SGO2: variants seen among roughly 807,000 people sequenced by gnomAD.
SGO2 encodes shugoshin 2, also known as shugoshin-like 2.
SGO2 carries 68 observed loss-of-function variants against 99.5 expected under a neutral mutation model. That is an observed-to-expected ratio of 0.68 (90% CI 0.56 to 0.84). SGO2 has a LOEUF of 0.84. Among genes scored for constraint, SGO2 ranks in the 40% least tolerant of loss-of-function variants. SGO2 has a pLI of 0.00. For missense variants in SGO2, 1,350 were observed against 1,436.7 expected, an observed-to-expected ratio of 0.94 and a Z score of 0.97; for synonymous variants, 457 against 487.1, an observed-to-expected ratio of 0.94 and a Z score of 0.81.
At chr2:200,546,209 C>T (rs1404107626) in intron 5 of SGO2, among the ~76,000 whole-genome samples, 2 of 150,526 alleles carry the variant, frequency 1.3e-5, no homozygotes, top group South Asian at 2.1e-4. Context: ...AAAAATTAGC[C>T]AGGCGTGGTG....
intron 4 of SGO2, among the ~76,000 whole-genome samples, chr2:200,537,195 C>T (rs1334014157): frequency 6.6e-6 from 1 of 152,014 alleles, no homozygotes; most frequent in Non-Finnish European, 1.5e-5. Flanking sequence ...TTGCTGTTGG[C>T]TTGTGTTAGT....
chr2:200,573,624 A>G lies in SGO2; in HGVS notation c.3278A>G (p.His1093Arg), dbSNP rs560556431. The G allele has an allele frequency of 1.9e-5, 30 of 1,612,700 alleles. No homozygotes were observed. The highest frequency in any genetic ancestry group is 1.5e-4 in the South Asian group (14 of 90,716). Residue 1093 changes from histidine to arginine, a missense_variant, in exon 7 of 9, where the codon CAT becomes CGT. By Grantham distance (29) the His-to-Arg change is conservative (BLOSUM62 0). Coordinates refer to ENST00000357799, the MANE Select transcript of SGO2 (RefSeq NM_152524.6). ...KTSIDPSPES[H>R]EVMERILDSV... Reference sequence around the variant, plus strand: ...TCCATAGATCCTTCTCCAGAGAGCCATGAAGTAATGGAAAGAATACTTGAC... The same window carrying G: ...TCCATAGATCCTTCTCCAGAGAGCCGTGAAGTAATGGAAAGAATACTTGAC...
Position 200,571,108 on chromosome 2 carries a change from C to T in SGO2, c.762C>T (p.Asn254=), listed in dbSNP as rs759231491. ...SKTSLMSEMR[N]AQSIGRRWEK... is the part of the protein sequence containing the mutation. Reference sequence around the variant, plus strand: ...CTTCTCTAATGAGTGAGATGAGAAACGCCCAGTCTATTGGCCGCAGATGGG... The same window carrying T: ...CTTCTCTAATGAGTGAGATGAGAAATGCCCAGTCTATTGGCCGCAGATGGG... The change falls in exon 7 of 9, where the codon AAC becomes AAT. Residue 254 remains asparagine, a synonymous_variant. Transcript: ENST00000357799. 3.7e-6 allele frequency: 6 copies of T among 1,612,546 alleles called. No homozygotes were observed. The highest frequency in any genetic ancestry group is 1.7e-5 in the Admixed American group (1 of 59,822).
In SGO2 at chr2:200,570,976, C is replaced by A. The variant is rs779271081; in HGVS notation, c.704-74C>A. The A allele has an allele frequency of 2.1e-5, 28 of 1,347,894 alleles. No individual in the cohort carries two copies. Among genetic ancestry groups the A allele is most frequent in the Non-Finnish European group, 2.8e-5 (28 of 996,090 alleles). The allele number at this position is 1,347,894 out of a possible 1,614,324, so 83.5% of individuals were successfully genotyped here. On this transcript the variant is annotated intron_variant, in intron 6 of 8. Coordinates refer to ENST00000357799, the MANE Select transcript of SGO2 (RefSeq NM_152524.6). This position sits in a 1 kb window ranked among gnomAD's most constrained non-coding sequence, Gnocchi z 4.4. ...TTATATCTGTGAAACAGCTTGATTT[C>A]GAATCTAATTTGTTTAAGGTAACTT...
At position 200,535,143 on chromosome 2, in the gene SGO2, C is replaced by A; in HGVS notation, c.281C>A (p.Thr94Lys). Reference sequence around the variant, plus strand: ...GTAGAGAAACTGAATTTTGAGAACACATTTCTTCGCCTAAAGCTAAATAAC... The same window carrying A: ...GTAGAGAAACTGAATTTTGAGAACAAATTTCTTCGCCTAAAGCTAAATAAC... ...KEVEKLNFEN[T>K]FLRLKLNNLN... is the part of the protein sequence containing the mutation. The change falls in exon 3 of 9, where the codon ACA (threonine) becomes AAA (lysine). Residue 94 changes from threonine to lysine, a missense_variant. Thr to Lys is a moderately conservative substitution (Grantham distance 78). Coordinates refer to ENST00000357799, the MANE Select transcript of SGO2 (RefSeq NM_152524.6). 1 of 1,531,122 alleles carries A rather than the reference C, an allele frequency of 6.5e-7. No homozygotes were observed. Among genetic ancestry groups the A allele is most frequent in the South Asian group, 1.3e-5 (1 of 77,630 alleles). 94.8% of individuals were successfully genotyped at this position (1,531,122 alleles called of 1,614,324 possible). A position where few individuals can be genotyped will look rare whatever the true frequency, so the allele number is the denominator to read the frequency against.
chr2:200,562,965 C>T (rs981013036), intron 5 of SGO2, among the ~76,000 whole-genome samples: 16 of 152,118 alleles, frequency 1.1e-4, no homozygotes, highest in Admixed American at 4.6e-4. Context: ...TGGGCTGAGA[C>T]GATGAGGTTT....
intron 5 of SGO2, among the ~76,000 whole-genome samples, chr2:200,549,890 C>A (rs933109277): frequency 7.2e-5 from 11 of 152,044 alleles, no homozygotes; most frequent in African/African-American, 2.7e-4. Context: ...AGCAAGAAAA[C>A]AAAATAAAGG....
chr2:200,531,359 T>A (rs530672679), intron 1 of SGO2, among the ~76,000 whole-genome samples: 15 of 151,978 alleles, frequency 9.9e-5, no homozygotes, highest in Non-Finnish European at 1.6e-4. Flanking sequence ...GGGAAAGGGG[T>A]AATAGAGTCT....
intron 1 of SGO2, among the ~76,000 whole-genome samples, chr2:200,527,779 G>T (rs2031173298): frequency 6.6e-6 from 1 of 152,188 alleles, no homozygotes; most frequent in Admixed American, 6.5e-5. Context: ...TGCCCTCATT[G>T]AACTTACAAT....
chr2:200,549,807 A>G (rs960183911), intron 5 of SGO2, among the ~76,000 whole-genome samples: 4 of 152,174 alleles, frequency 2.6e-5, no homozygotes, highest in African/African-American at 9.6e-5. Flanking sequence ...TACTTTGAAG[A>G]CTGGAACAAG....
chr2:200,571,059 C>A lies in SGO2; in HGVS notation c.713C>A (p.Ser238Tyr). ...TTCCTTTTCTTAATAGAAAGCCATT[C>A]CCACTCAGACCAAAGTTCTAAGACT... ...IVDVPPRESH[S>Y]HSDQSSKTSL... is the part of the protein sequence containing the mutation. The change falls in exon 7 of 9, where the codon TCC becomes TAC. Residue 238 changes from serine to tyrosine, a missense_variant. Ser to Tyr is a moderately radical substitution (Grantham distance 144). Coordinates refer to ENST00000357799, the MANE Select transcript of SGO2 (RefSeq NM_152524.6). 6.4e-7 allele frequency: 1 copy of A among 1,565,708 alleles called. No homozygotes were observed. The highest frequency in any genetic ancestry group is 8.6e-7 in the Non-Finnish European group (1 of 1,158,650).
At chr2:200,537,450 C>T (rs1325037363) in intron 4 of SGO2, among the ~76,000 whole-genome samples, 2 of 152,152 alleles carry the variant, frequency 1.3e-5, no homozygotes, top group Non-Finnish European at 2.9e-5. Context: ...CACCAGTCCA[C>T]TAAATCCTGA....
intron 5 of SGO2, among the ~76,000 whole-genome samples, chr2:200,552,125 A>C (rs1029836677): frequency 3.9e-5 from 6 of 152,174 alleles, no homozygotes; most frequent in Non-Finnish European, 7.3e-5. Flanking sequence ...CACTCTATTT[A>C]GCTATAATAT....
intron 5 of SGO2, among the ~76,000 whole-genome samples, chr2:200,550,163 A>G (rs1021066342): frequency 6.6e-6 from 1 of 152,200 alleles, no homozygotes; most frequent in Non-Finnish European, 1.5e-5. Context: ...TGAAAGTTCT[A>G]TAGAAGGAAA....
At position 200,526,582 on chromosome 2, in the gene SGO2, T is replaced by G. The variant is rs1219313241; in HGVS notation, c.-3+330T>G. On this transcript the variant is annotated intron_variant, in intron 1 of 8. Transcript: ENST00000357799. This position sits in a 1 kb window ranked among gnomAD's most constrained non-coding sequence, Gnocchi z 4.8. ...ACTCCCTTGAACAGTTTCTAGGGCA[T>G]TGTGAGCGCTCAGTACGTGTCTGCG... 6.6e-6 allele frequency among the ~76,000 whole-genome samples: 1 copy of G among 152,094 alleles called. No individual in the cohort carries two copies. Among genetic ancestry groups the G allele is most frequent in the Admixed American group, 6.6e-5 (1 of 15,264 alleles).
At chr2:200,550,371 G>A (rs771509722) in intron 5 of SGO2, among the ~76,000 whole-genome samples, 35 of 151,982 alleles carry the variant, frequency 2.3e-4, no homozygotes, top group Admixed American at 3.3e-4. Context: ...ATATGAACCC[G>A]CAAAAGACCC....
chr2:200,583,270 CTG>C (rs1310607509), intron 8 of SGO2, among the ~76,000 whole-genome samples, 177 bp from the exon 9 acceptor site: 1 of 152,060 alleles, frequency 6.6e-6, no homozygotes, highest in Non-Finnish European at 1.5e-5. Flanking sequence ...TTGAAGTACT[CTG>C]ATAGTGAGAA....
Position 200,572,386 on chromosome 2 carries a change from A to G in SGO2, c.2040A>G (p.Gln680=), listed in dbSNP as rs764123106. The G allele has an allele frequency of 5.0e-6, 8 of 1,613,436 alleles. No individual in the cohort carries two copies. Among genetic ancestry groups the G allele is most frequent in the Admixed American group, 3.3e-5 (2 of 59,928 alleles). The change falls in exon 7 of 9, where the codon CAA becomes CAG. Residue 680 remains glutamine (Q), a synonymous_variant. Transcript: ENST00000357799. ...PALSTRDNEN[Q]CDYRTQNVLG... Reference sequence around the variant, plus strand: ...TTTCTACTAGAGATAATGAAAATCAATGTGACTATAGGACCCAGAATGTGT... The same window carrying G: ...TTTCTACTAGAGATAATGAAAATCAGTGTGACTATAGGACCCAGAATGTGT...
rs369424180 is a variant in SGO2 at position 200,540,450 on chromosome 2, G to A, written c.388-2129G>A. ...GCCTCTGTTGACAACACTGTGGTGGGCATAACTGATGAGTGGGTCTGAGAG... is the reference window on the plus strand; with the variant it reads ...GCCTCTGTTGACAACACTGTGGTGGACATAACTGATGAGTGGGTCTGAGAG... On this transcript the variant is annotated intron_variant, in intron 4 of 8. Coordinates refer to ENST00000357799, the MANE Select transcript of SGO2 (RefSeq NM_152524.6). Among the ~76,000 whole-genome samples, 232 of 152,308 alleles carry A rather than the reference G, an allele frequency of 1.5e-3. 1 individual carries two copies. Among genetic ancestry groups the A allele is most frequent in the African/African-American group, 5.2e-3 (218 of 41,564 alleles).
Sources: gnomAD v4.1 joint callset for allele counts (sites outside exome capture counted in the v4.1 genomes callset) on GRCh38, gnomAD v4.1.1 for gene constraint, Gnocchi (gnomAD v3.1) non-coding constraint, MANE v1.5 for transcripts, NCBI Gene and HGNC (gene_info 2026-07-23, HGNC 2026-07-21) for gene names.